The following PRPF39 variants were observed in gnomAD, a reference collection of about 807,000 sequenced individuals.
The protein encoded by PRPF39 is pre-mRNA-processing factor 39.
Under a neutral mutation model 82.1 loss-of-function variants are expected in PRPF39, and 27 were observed. The ratio of observed to expected loss-of-function variants is 0.33; its 90% CI spans 0.24 to 0.45. The LOEUF (loss-of-function observed/expected upper bound fraction) is 0.45. Ranked by LOEUF, PRPF39 falls within the 20% of genes least tolerant of loss-of-function variation. The pLI is 1.00. For synonymous variants in PRPF39, 261 were observed against 256.4 expected (o/e 1.02, Z -0.17); for missense variants, 581 against 796.9 (o/e 0.73, Z 3.26).
intron 5 of PRPF39, among the ~76,000 whole-genome samples, chr14:45,105,063 G>A (rs540093401): frequency 6.6e-5 from 10 of 152,294 alleles, no homozygotes; most frequent in African/African-American, 2.2e-4. Flanking sequence ...CAACATGCCT[G>A]TCAGTTTCTG....
intron 3 of PRPF39, 145 bp downstream of exon 3, chr14:45,096,373 T>A (rs1458813542): frequency 1.3e-6 from 2 of 1,527,118 alleles, no homozygotes; most frequent in East Asian, 5.1e-5. Context: ...TTTATTTGCA[T>A]TTGTCACTCT....
chr14:45,101,673 C>G (rs939705672), intron 4 of PRPF39, among the ~76,000 whole-genome samples: 2 of 152,016 alleles, frequency 1.3e-5, no homozygotes, highest in Non-Finnish European at 2.9e-5. Flanking sequence ...GCCGTGTTGG[C>G]AAGGCTGGTC....
chr14:45,103,166 A>G (rs776674401), intron 5 of PRPF39, among the ~76,000 whole-genome samples: 26 of 152,160 alleles, frequency 1.7e-4, no homozygotes, highest in Non-Finnish European at 3.5e-4. Flanking sequence ...AGTAAGTAGT[A>G]TCTATTTTCA....
At chr14:45,085,789 T>G (rs377319444) in intron 1 of PRPF39, among the ~76,000 whole-genome samples, 2 of 152,220 alleles carry the variant, frequency 1.3e-5, no homozygotes, top group South Asian at 2.1e-4. Context: ...TGAGATTTGC[T>G]TATTGCAAAG....
In PRPF39 at chr14:45,112,300, ATGC is replaced by A. The variant is rs1884721129; in HGVS notation, c.1573-13_1573-11del. On this transcript the variant is annotated splice_polypyrimidine_tract_variant and intron_variant, in intron 10 of 13. Coordinates refer to ENST00000355765, the MANE Select transcript of PRPF39 (RefSeq NM_017922.4). Reference sequence around the variant, plus strand: ...AAAAATATTTTAGAAATATTCATTGATGCTGCTTTTTACACAGGAGAACACAAA... The same window carrying A: ...AAAAATATTTTAGAAATATTCATTGATGCTTTTTACACAGGAGAACACAAA... 3.9e-6 allele frequency: 6 copies of A among 1,541,346 alleles called. No homozygotes were observed. The highest frequency in any genetic ancestry group is 5.2e-6 in the Non-Finnish European group (6 of 1,153,284).
chr14:45,114,316 A>G, intron 12 of PRPF39, 59 bp downstream of exon 12: 1 of 1,433,956 alleles, frequency 7.0e-7, no homozygotes, highest in African/African-American at 1.4e-5. Flanking sequence ...GCCTTCAAAG[A>G]CAAATGTTTT....
In PRPF39 at chr14:45,114,889, A is replaced by C. The variant is rs767795089; in HGVS notation, c.1986A>C (p.Gln662His). Residue 662 changes from glutamine to histidine, a missense_variant, in exon 14 of 14, where the codon CAA becomes CAC. Coordinates refer to ENST00000355765, the MANE Select transcript of PRPF39 (RefSeq NM_017922.4). The stretch of plus-strand genomic sequence containing the variant: ...ATCAGAATCCTTGGAATTATGGACA[A>C]TATTATCCTCCCCCTCCAACCTGAT... Reference protein sequence around the residue: ...YNYQNPWNYGQYYPPPPT With the variant: ...YNYQNPWNYGHYYPPPPT 6.2e-7 allele frequency: 1 copy of C among 1,600,306 alleles called. No individual in the cohort carries two copies. The highest frequency in any genetic ancestry group is 1.3e-5 in the African/African-American group (1 of 74,568).
chr14:45,092,516 G>T (rs963532535), intron 1 of PRPF39, among the ~76,000 whole-genome samples: 2 of 149,510 alleles, frequency 1.3e-5, no homozygotes, highest in African/African-American at 5.0e-5. Flanking sequence ...CAGGAGAATC[G>T]CTTGAACCCG....
Position 45,109,103 on chromosome 14 carries a change from T to C in PRPF39, c.1012-513T>C, listed in dbSNP as rs959506447. ...CGACCCTCTACCCCCAGTGCTAAGA[T>C]ACCACCAACTGCTTTTTGTTTCTGT... On this transcript the variant is annotated intron_variant, in intron 7 of 13. Transcript: ENST00000355765. 5.9e-5 allele frequency among the ~76,000 whole-genome samples: 9 copies of C among 152,202 alleles called. 1 individual carries two copies. In the East Asian group the frequency reaches 1.3e-3, roughly 23 times the overall value.
In PRPF39 at chr14:45,112,305, G is replaced by A; in HGVS notation, c.1573-13G>A. On this transcript the variant is annotated splice_polypyrimidine_tract_variant and intron_variant, in intron 10 of 13. Transcript: ENST00000355765. ...TATTTTAGAAATATTCATTGATGCT[G>A]CTTTTTACACAGGAGAACACAAAGT... The A allele has an allele frequency of 6.5e-7, 1 of 1,543,686 alleles. No individual in the cohort carries two copies. The highest frequency in any genetic ancestry group is 1.4e-5 in the African/African-American group (1 of 70,770).
chr14:45,087,578 GT>G (rs1282725625), intron 1 of PRPF39, among the ~76,000 whole-genome samples: 1 of 149,858 alleles, frequency 6.7e-6, no homozygotes, highest in African/African-American at 2.5e-5. Flanking sequence ...TTTTTGTTTT[GT>G]TTTGTTTTTT....
intron 4 of PRPF39, among the ~76,000 whole-genome samples, chr14:45,098,708 C>A (rs1350160144): frequency 6.6e-6 from 1 of 152,124 alleles, no homozygotes; most frequent in African/African-American, 2.4e-5. Flanking sequence ...TGAGCTGTCT[C>A]CTGGAAACCT....
At chr14:45,085,265 C>T (rs1383483444) in intron 1 of PRPF39, among the ~76,000 whole-genome samples, 1 of 152,116 alleles carries the variant, frequency 6.6e-6, no homozygotes, top group Non-Finnish European at 1.5e-5. Flanking sequence ...ACTGTTCACT[C>T]TCTAGTAGGG....
Position 45,110,881 on chromosome 14 carries a change from T to C in PRPF39, c.1572+64T>C. On this transcript the variant is annotated intron_variant, in intron 10 of 13. Coordinates refer to ENST00000355765, the MANE Select transcript of PRPF39 (RefSeq NM_017922.4). This position sits in a 1 kb window ranked among gnomAD's most constrained non-coding sequence, Gnocchi z 4.0. ...AAACCAGTGGTCAGTGTATTTTCACTGTGGCAACTGTGATGAAAGATTTGG... is the reference window on the plus strand; with the variant it reads ...AAACCAGTGGTCAGTGTATTTTCACCGTGGCAACTGTGATGAAAGATTTGG... The C allele has an allele frequency of 4.4e-6, 6 of 1,364,458 alleles. No individual in the cohort carries two copies. The highest frequency in any genetic ancestry group is 6.0e-6 in the Non-Finnish European group (6 of 1,006,620). The allele number at this position is 1,364,458 out of a possible 1,614,324, so 84.5% of individuals were successfully genotyped here. A position where few individuals can be genotyped will look rare whatever the true frequency, so the allele number is the denominator to read the frequency against.
In PRPF39 at chr14:45,084,712, CT is replaced by C. The variant is rs977749771; in HGVS notation, c.-20+467del. On this transcript the variant is annotated intron_variant, in intron 1 of 13. Coordinates refer to ENST00000355765, the MANE Select transcript of PRPF39 (RefSeq NM_017922.4). ...CTGTCTTCTGACTACATAAGCAACACTTTTGCGACCCTAAGTCACAGCACCC... is the reference window on the plus strand; with the variant it reads ...CTGTCTTCTGACTACATAAGCAACACTTTGCGACCCTAAGTCACAGCACCC... Among the ~76,000 whole-genome samples the C allele has an allele frequency of 2.6e-5, 4 of 152,258 alleles. No homozygotes were observed. The East Asian group carries it at 7.7e-4, about 29-fold the overall frequency.
At chr14:45,105,680 C>T (rs955881346) in intron 5 of PRPF39, among the ~76,000 whole-genome samples, 17 of 151,852 alleles carry the variant, frequency 1.1e-4, no homozygotes, top group African/African-American at 3.1e-4. Context: ...GTGCCCGCCC[C>T]GACACGGAGC....
chr14:45,090,530 G>C (rs1031349036), intron 1 of PRPF39, among the ~76,000 whole-genome samples: 1 of 152,030 alleles, frequency 6.6e-6, no homozygotes. Flanking sequence ...CTTCTTGTCT[G>C]CTGTCAAGGA....
At chr14:45,094,117 A>C (rs988176338) in intron 1 of PRPF39, among the ~76,000 whole-genome samples, 2 of 152,006 alleles carry the variant, frequency 1.3e-5, no homozygotes, top group African/African-American at 4.8e-5. Flanking sequence ...ACTACTATTA[A>C]TATATTAAGT....
At chr14:45,102,835 C>A in intron 5 of PRPF39, 139 bp downstream of exon 5, 1 of 825,146 alleles carries the variant, frequency 1.2e-6, no homozygotes, top group Non-Finnish European at 1.8e-6. Flanking sequence ...TAATCACAAC[C>A]TACATGCTTG....
Sources: allele counts gnomAD v4.1 joint callset (sites outside exome capture counted in the v4.1 genomes callset), GRCh38; gene constraint gnomAD v4.1.1; non-coding constraint Gnocchi (gnomAD v3.1); transcripts MANE v1.5; gene names NCBI Gene and HGNC (gene_info 2026-07-23, HGNC 2026-07-21).